Variants in ROBO2 observed in about 807,000 individuals in gnomAD.
The protein encoded by ROBO2 is roundabout homolog 2.
ROBO2 carries 53 observed loss-of-function variants against 160.8 expected under a neutral mutation model. The observed-to-expected ratio is 0.33, with a 90% CI of 0.26 to 0.41. The LOEUF is 0.41. Ranked by LOEUF, ROBO2 falls within the 10% of genes least tolerant of loss-of-function variation. ROBO2 has a pLI of 1.00. For missense variants in ROBO2, 1,577 were observed against 1,722.4 expected, an observed-to-expected ratio of 0.92 and a Z score of 1.49; for synonymous variants, 664 against 611.7, an observed-to-expected ratio of 1.09 and a Z score of -1.26.
At chr3:77,551,935 T>C (rs570331402) in intron 8 of ROBO2, among the ~76,000 whole-genome samples, 5 of 152,088 alleles carry the variant, frequency 3.3e-5, no homozygotes, top group South Asian at 4.1e-4. Context: ...TTCAGTGACA[T>C]GTCAGGAATG....
intron 2 of ROBO2, among the ~76,000 whole-genome samples, chr3:76,795,210 G>A (rs1358344223): frequency 6.6e-6 from 1 of 152,088 alleles, no homozygotes; most frequent in Admixed American, 6.6e-5. Context: ...ATTGATGGCT[G>A]CTGGCATCAG....
At position 76,959,384 on chromosome 3, in the gene ROBO2, G is replaced by A. The variant is rs1237073642; in HGVS notation, c.110-138630G>A. On this transcript the variant is annotated intron_variant, in intron 2 of 26. Transcript: ENST00000487694. ...CTGATTATATCCTCTGGCAAAATTC[G>A]GAACTGTCTACTACTTTGGTGCAAA... Among the ~76,000 whole-genome samples the A allele has an allele frequency of 3.9e-5, 6 of 152,188 alleles. No homozygotes were observed. In the East Asian group the frequency reaches 7.7e-4, roughly 20 times the overall value.
chr3:76,798,136 G>A (rs1576677542), intron 2 of ROBO2, among the ~76,000 whole-genome samples: 2 of 32,816 alleles, frequency 6.1e-5, no homozygotes, highest in South Asian at 9.9e-4. Context: ...AAAGAAAGAA[G>A]AAAGAGAAAG....
At position 76,375,287 on chromosome 3, in the gene ROBO2, T is replaced by A. The variant is rs185909604; in HGVS notation, c.109+437685T>A. On this transcript the variant is annotated intron_variant, in intron 2 of 26. Transcript: ENST00000487694. ...TTTGGGTAGTTTTTGTAGTCAATGT[T>A]CAAGGATAGGACTATTTCAAAACCA... Among the ~76,000 whole-genome samples, 31 of 152,046 alleles carry A rather than the reference T, an allele frequency of 2.0e-4. No individual in the cohort carries two copies. The East Asian group carries it at 5.8e-3, about 29-fold the overall frequency.
intron 2 of ROBO2, among the ~76,000 whole-genome samples, chr3:76,168,044 C>T (rs1343585081): frequency 6.6e-6 from 1 of 152,198 alleles, no homozygotes; most frequent in African/African-American, 2.4e-5. Context: ...CTTGGACTAA[C>T]TCATGCTGTT....
intron 2 of ROBO2, among the ~76,000 whole-genome samples, chr3:77,390,887 C>T (rs1261077479): frequency 6.6e-6 from 1 of 152,054 alleles, no homozygotes; most frequent in Non-Finnish European, 1.5e-5. Context: ...GCACATCTCA[C>T]CAGTCTCTTT....
At chr3:77,354,606 G>A (rs1288479761) in intron 2 of ROBO2, among the ~76,000 whole-genome samples, 1 of 152,192 alleles carries the variant, frequency 6.6e-6, no homozygotes, top group Non-Finnish European at 1.5e-5. Context: ...AAGTCTCTCA[G>A]TGTGGAAGTT....
At position 75,911,721 on chromosome 3, in the gene ROBO2, C is replaced by T. The variant is rs1368006403; in HGVS notation, c.-14+4761C>T. 5.3e-5 allele frequency among the ~76,000 whole-genome samples: 8 copies of T among 151,778 alleles called. No homozygotes were observed. The East Asian group carries it at 1.6e-3, about 30-fold the overall frequency. On this transcript the variant is annotated intron_variant, in intron 1 of 26. Coordinates refer to the ROBO2 transcript ENST00000487694. ...TACAGGCGCACGCCACCATGCCCGG[C>T]TAATTTTTGTATTTTTAGTAGAGAC...
intron 2 of ROBO2, among the ~76,000 whole-genome samples, chr3:76,956,556 CAAA>C (rs11369735): frequency 1.9e-5 from 2 of 106,228 alleles, no homozygotes; most frequent in Non-Finnish European, 4.2e-5. Flanking sequence ...GACTCTGTCT[CAAA>C]AAAAAAAAAA....
Position 77,294,631 on chromosome 3 carries a change from C to T in ROBO2, c.389-182783C>T, listed in dbSNP as rs376729627. On this transcript the variant is annotated intron_variant, in intron 2 of 25. Transcript: ENST00000461745. ...ACATAAAGTAAAATTGACGGTTAAA[C>T]GGGTAAGCTGAGGCTAGATCACCCC... Among the ~76,000 whole-genome samples, 88 of 147,614 alleles carry T rather than the reference C, an allele frequency of 6.0e-4. 3 individuals carry two copies. The Middle Eastern group carries it at 0.011, about 19-fold the overall frequency.
At chr3:76,096,265 A>G (rs1360330383) in intron 2 of ROBO2, among the ~76,000 whole-genome samples, 1 of 152,298 alleles carries the variant, frequency 6.6e-6, no homozygotes, top group African/African-American at 2.4e-5. Context: ...TGAATGACTC[A>G]TAAATAACTT....
intron 1 of ROBO2, among the ~76,000 whole-genome samples, chr3:77,081,222 G>A (rs548495200): frequency 6.6e-6 from 1 of 152,322 alleles, no homozygotes; most frequent in Non-Finnish European, 1.5e-5. Flanking sequence ...CACTGTAAAT[G>A]CTTGTACTTA....
intron 2 of ROBO2, among the ~76,000 whole-genome samples, chr3:76,042,249 C>T (rs1172541213): frequency 6.6e-6 from 1 of 151,828 alleles, no homozygotes; most frequent in Non-Finnish European, 1.5e-5. Context: ...GAATAAAGTA[C>T]TTGATTTTAA....
chr3:76,487,217 C>T (rs1290376833), intron 2 of ROBO2, among the ~76,000 whole-genome samples: 3 of 151,426 alleles, frequency 2.0e-5, no homozygotes, highest in South Asian at 2.1e-4. Flanking sequence ...TGACCTCAAG[C>T]GATTCTCCTG....
At chr3:77,579,081 C>T (rs931824834) in intron 15 of ROBO2, among the ~76,000 whole-genome samples, 1 of 151,978 alleles carries the variant, frequency 6.6e-6, no homozygotes, top group Non-Finnish European at 1.5e-5. Context: ...CTTACCTGCT[C>T]CGAAACAAAT....
At chr3:76,960,144 T>TTCTCATCAATTTGACA (rs2079545318) in intron 2 of ROBO2, among the ~76,000 whole-genome samples, 1 of 152,014 alleles carries the variant, frequency 6.6e-6, no homozygotes, top group African/African-American at 2.4e-5. Context: ...AATTTGACAC[T>TTCTCATCAATTTGACA]CTTAGGACAA....
intron 2 of ROBO2, among the ~76,000 whole-genome samples, chr3:77,220,329 T>C (rs1408083151): frequency 6.6e-6 from 1 of 152,080 alleles, no homozygotes; most frequent in East Asian, 1.9e-4. Flanking sequence ...TACTATAGCT[T>C]TTCACAGACA....
intron 2 of ROBO2, among the ~76,000 whole-genome samples, chr3:76,365,027 AAG>A (rs1257200849): frequency 6.6e-6 from 1 of 151,982 alleles, no homozygotes; most frequent in Non-Finnish European, 1.5e-5. Context: ...ACTCAAGTCT[AAG>A]AGAGATTAAA....
chr3:76,322,164 GTATATATATATATA>G lies in ROBO2; in HGVS notation c.109+384589_109+384602del, dbSNP rs200388202. ...ATTTGAAATGATTTCTACTTCTTCC[GTATATATATATATA>G]TATATATATATATATATATATATAT... is the stretch of plus-strand genomic sequence containing the variant. On this transcript the variant is annotated intron_variant, in intron 2 of 26. Transcript: ENST00000487694. Among the ~76,000 whole-genome samples the G allele has an allele frequency of 3.5e-3, 375 of 108,138 alleles. 7 individuals carry two copies. Among genetic ancestry groups the G allele is most frequent in the African/African-American group, 7.8e-3 (176 of 22,482 alleles). The allele number at this position is 108,138 out of a possible 152,430, so 70.9% of individuals were successfully genotyped here.
Sources: allele counts gnomAD v4.1 joint callset (sites outside exome capture counted in the v4.1 genomes callset), GRCh38; gene constraint gnomAD v4.1.1; transcripts MANE v1.5; gene names NCBI Gene and HGNC (gene_info 2026-07-23, HGNC 2026-07-21).